The following SMYD4 variants were observed in gnomAD, a reference collection of about 807,000 sequenced individuals.
The protein encoded by SMYD4 is protein-lysine N-methyltransferase SMYD4.
Under a neutral mutation model 72.8 loss-of-function variants are expected in SMYD4, and 68 were observed. The observed-to-expected ratio is 0.93, with a 90% CI of 0.77 to 1.14. SMYD4 has a LOEUF of 1.14. Among genes scored for constraint, SMYD4 ranks in the 50% most tolerant of loss-of-function variants. The pLI is 0.00. For synonymous variants in SMYD4, 407 were observed against 388.6 expected, an observed-to-expected ratio of 1.05 and a Z score of -0.56; for missense variants, 984 against 1,003.7, an observed-to-expected ratio of 0.98 and a Z score of 0.27.
At chr17:1,801,695 G>C (rs2151236067) in intron 4 of SMYD4, among the ~76,000 whole-genome samples, 1 of 150,266 alleles carries the variant, frequency 6.7e-6, no homozygotes, top group African/African-American at 2.4e-5. Flanking sequence ...ACACTCTGCT[G>C]GCCGGGTGCG....
At chr17:1,806,686 A>G (rs1910050497) in intron 3 of SMYD4, among the ~76,000 whole-genome samples, 1 of 152,182 alleles carries the variant, frequency 6.6e-6, no homozygotes, top group Admixed American at 6.6e-5. Flanking sequence ...GATGATGGGT[A>G]TCCTCATTAT....
chr17:1,785,733 C>G (rs1199090026), intron 7 of SMYD4, among the ~76,000 whole-genome samples: 2 of 145,358 alleles, frequency 1.4e-5, no homozygotes, highest in Non-Finnish European at 3.0e-5. Flanking sequence ...GCACTCACTT[C>G]AGCCTGGATG....
intron 1 of SMYD4, 126 bp from the exon 2 acceptor site, chr17:1,828,132 C>T (rs377041507): frequency 2.5e-5 from 21 of 838,246 alleles, no homozygotes; most frequent in East Asian, 2.3e-4. Flanking sequence ...AGGTGGATCA[C>T]GAGGTCAGGA....
At chr17:1,807,422 C>A (rs974294306) in intron 3 of SMYD4, among the ~76,000 whole-genome samples, 1 of 151,890 alleles carries the variant, frequency 6.6e-6, no homozygotes, top group African/African-American at 2.4e-5. Flanking sequence ...CGTACCGCCC[C>A]CCCCGGCCCC....
intron 2 of SMYD4, among the ~76,000 whole-genome samples, chr17:1,812,859 T>A (rs1396916441): frequency 6.6e-6 from 1 of 151,890 alleles, no homozygotes; most frequent in Non-Finnish European, 1.5e-5. Flanking sequence ...AGAATTTCTA[T>A]TTAGAGGACT....
chr17:1,811,832 T>G (rs549829700), intron 3 of SMYD4, 139 bp downstream of exon 3: 1 of 835,662 alleles, frequency 1.2e-6, no homozygotes, highest in South Asian at 2.0e-5. Flanking sequence ...GAGACTAAGG[T>G]GGGAGGATCG....
intron 2 of SMYD4, among the ~76,000 whole-genome samples, chr17:1,827,468 C>T (rs2151258719): frequency 6.6e-6 from 1 of 152,036 alleles, no homozygotes; most frequent in East Asian, 1.9e-4. Flanking sequence ...AAAGGAAAAT[C>T]ACACAGCATT....
chr17:1,818,473 A>G (rs915808897), intron 2 of SMYD4, among the ~76,000 whole-genome samples: 10 of 152,212 alleles, frequency 6.6e-5, no homozygotes, highest in Non-Finnish European at 1.3e-4. Flanking sequence ...TATTACTATA[A>G]TATCATTATC....
rs1911110265 is a variant in SMYD4 at position 1,825,369 on chromosome 17, C to G, written c.134+2492G>C. 2.0e-5 allele frequency among the ~76,000 whole-genome samples: 3 copies of G among 151,998 alleles called. 1 individual carries two copies. Among genetic ancestry groups the G allele is most frequent in the South Asian group, 4.1e-4 (2 of 4,822 alleles). On this transcript the variant is annotated intron_variant, in intron 2 of 10. Transcript: ENST00000305513. ...CTCAATAAAGATGGAGGAAAAAGTG[C>G]AGAAGGATTAGAGAGCTAAAGGTAA...
At chr17:1,794,071 A>G (rs377122016) in intron 5 of SMYD4, among the ~76,000 whole-genome samples, 3 of 28,354 alleles carry the variant, frequency 1.1e-4, no homozygotes, top group Non-Finnish European at 1.7e-4. Context: ...ATATATGTGT[A>G]TATATATGTG....
rs17338494 is a variant in SMYD4, at chr17:1,829,823, C to G, written c.-110G>C. 1.2e-4 allele frequency: 32 copies of G among 272,438 alleles called. No individual in the cohort carries two copies. In the South Asian group the frequency reaches 4.2e-3, roughly 36 times the overall value. 16.9% of individuals were successfully genotyped at this position (272,438 alleles called of 1,614,324 possible). ...TCTCCCTCCCAGCGCCCGCGCAGCT[C>G]CTGGCGCGCCCCTTGGCGCCCCGCT... On this transcript the variant is annotated 5_prime_UTR_variant, in exon 1 of 11. Transcript: ENST00000305513.
chr17:1,816,098 C>A (rs983644223), intron 2 of SMYD4, among the ~76,000 whole-genome samples: 2 of 152,060 alleles, frequency 1.3e-5, no homozygotes, highest in African/African-American at 4.8e-5. Context: ...TTTCATCATC[C>A]CATGCTGAAA....
chr17:1,786,955 A>G lies in SMYD4; in HGVS notation c.1739T>C (p.Met580Thr). Residue 580 changes from methionine (M) to threonine (T), a missense_variant, in exon 7 of 11, where the codon ATG (methionine) becomes ACG (threonine). Met to Thr is a moderately conservative substitution (Grantham distance 81). Transcript: ENST00000305513. ...LHCYGPHKSR[M>T]GVAERQQKLR... ...CTTCTGCTGCCTTTCGGCAACCCCC[A>G]TCCGGCTCTTGTGAGGCCCTGGAGG... The G allele has an allele frequency of 1.2e-6, 2 of 1,613,936 alleles. No homozygotes were observed. The highest frequency in any genetic ancestry group is 2.2e-5 in the East Asian group (1 of 44,880).
chr17:1,803,818 A>G (rs956454490), intron 4 of SMYD4, among the ~76,000 whole-genome samples: 5 of 151,238 alleles, frequency 3.3e-5, no homozygotes, highest in African/African-American at 1.2e-4. Context: ...TTTCTTGTCA[A>G]TCAACACTAT....
At chr17:1,829,128 T>C (rs1314664560) in intron 1 of SMYD4, among the ~76,000 whole-genome samples, 3 of 152,172 alleles carry the variant, frequency 2.0e-5, no homozygotes, top group Non-Finnish European at 4.4e-5. Context: ...GTCAGTGCTC[T>C]GCCCTTAAAT....
intron 2 of SMYD4, among the ~76,000 whole-genome samples, chr17:1,827,441 A>G (rs1597403712): frequency 6.6e-6 from 1 of 152,296 alleles, no homozygotes; most frequent in South Asian, 2.1e-4. Context: ...ATTAGTCAAA[A>G]GAGCACACAC....
At chr17:1,794,105 A>ATATATATTTTTT (rs1291818005) in intron 5 of SMYD4, among the ~76,000 whole-genome samples, 2 of 12,984 alleles carry the variant, frequency 1.5e-4, no homozygotes, top group African/African-American at 7.3e-4. Flanking sequence ...ATATATATAT[A>ATATATATTTTTT]TTTTTTTTTT....
At chr17:1,789,654 A>C (rs913456704) in intron 5 of SMYD4, among the ~76,000 whole-genome samples, 2 of 150,226 alleles carry the variant, frequency 1.3e-5, no homozygotes, top group African/African-American at 4.9e-5. Flanking sequence ...AATCCCTGCT[A>C]CTCGGGAGGC....
At chr17:1,828,794 A>G (rs543121755) in intron 1 of SMYD4, among the ~76,000 whole-genome samples, 1 of 152,034 alleles carries the variant, frequency 6.6e-6, no homozygotes, top group Non-Finnish European at 1.5e-5. Flanking sequence ...ACGGGGTTTC[A>G]CCATGTTGGC....
Sources: gnomAD v4.1 joint callset for allele counts (sites outside exome capture counted in the v4.1 genomes callset) on GRCh38, gnomAD v4.1.1 for gene constraint, MANE v1.5 for transcripts, NCBI Gene and HGNC (gene_info 2026-07-23, HGNC 2026-07-21) for gene names.